Variants in BANK1 observed in about 807,000 individuals in gnomAD.
The protein encoded by BANK1 is B-cell scaffold protein with ankyrin repeats.
Under a neutral mutation model 94.5 loss-of-function variants are expected in BANK1, and 95 were observed. That is an observed-to-expected ratio of 1.00 (90% CI 0.85 to 1.19). BANK1 has a LOEUF of 1.19. BANK1 is among the 50% of genes most tolerant of loss of function. The probability of loss-of-function intolerance (pLI) is 0.00; values close to 1 mark genes in which losing one functional copy is unlikely to be tolerated. For missense variants in BANK1, 987 were observed against 932.2 expected (o/e 1.06, Z -0.77); for synonymous variants, 334 against 308.4 (o/e 1.08, Z -0.87).
intron 1 of BANK1, among the ~76,000 whole-genome samples, chr4:101,802,816 G>C (rs1469991819): frequency 6.6e-6 from 1 of 152,170 alleles, no homozygotes; most frequent in Non-Finnish European, 1.5e-5. Context: ...GGGTGAGTAG[G>C]TGAGTTACCA....
chr4:102,072,853 T>C (rs1411705953), intron 15 of BANK1, among the ~76,000 whole-genome samples: 2 of 152,132 alleles, frequency 1.3e-5, no homozygotes, highest in Non-Finnish European at 2.9e-5. Context: ...AACGAGAAGC[T>C]AATGATAACA....
At position 102,030,048 on chromosome 4, in the gene BANK1, A is replaced by G; in HGVS notation, c.1683A>G (p.Glu561=). ...AAACAGGAGATGAACCCAAAGGAGA[A>G]AAAGAGAAGAAAGAAGAGGAAAAAG... The part of the protein sequence containing the change: ...RQETGDEPKG[E]KEKKEEEKEQ... Residue 561 remains glutamate (E), a synonymous_variant, in exon 10 of 17, where the codon GAA becomes GAG. Transcript: ENST00000322953. The G allele has an allele frequency of 1.9e-6, 3 of 1,613,954 alleles. No individual in the cohort carries two copies. Among genetic ancestry groups the G allele is most frequent in the Non-Finnish European group, 2.5e-6 (3 of 1,179,876 alleles).
intron 10 of BANK1, among the ~76,000 whole-genome samples, chr4:102,038,866 A>G (rs1482205961): frequency 1.3e-5 from 2 of 152,184 alleles, no homozygotes; most frequent in Non-Finnish European, 2.9e-5. Context: ...GATGCTTTCA[A>G]TGATAACACT....
At chr4:101,890,800 T>G (rs757562397) in intron 5 of BANK1, among the ~76,000 whole-genome samples, 1 of 151,302 alleles carries the variant, frequency 6.6e-6, no homozygotes, top group Non-Finnish European at 1.5e-5. Flanking sequence ...GTATTTTAAA[T>G]GCACCTATTT....
At chr4:101,811,839 A>C (rs1421836296) in intron 1 of BANK1, among the ~76,000 whole-genome samples, 2 of 152,080 alleles carry the variant, frequency 1.3e-5, no homozygotes, top group Non-Finnish European at 2.9e-5. Context: ...GGTCTTAATG[A>C]GATATTAGAA....
intron 8 of BANK1, among the ~76,000 whole-genome samples, chr4:102,023,323 T>C (rs1235036952): frequency 6.6e-6 from 1 of 152,196 alleles, no homozygotes; most frequent in East Asian, 1.9e-4. Context: ...AATGGATTAA[T>C]GCACCAAGCT....
At chr4:101,991,094 A>G (rs1227927152) in intron 7 of BANK1, among the ~76,000 whole-genome samples, 3 of 152,212 alleles carry the variant, frequency 2.0e-5, no homozygotes, top group Non-Finnish European at 4.4e-5. Flanking sequence ...CGTTTTGTAT[A>G]TGAGAAAATG....
At chr4:102,012,831 A>G (rs771328549) in intron 7 of BANK1, among the ~76,000 whole-genome samples, 2 of 151,378 alleles carry the variant, frequency 1.3e-5, no homozygotes, top group Non-Finnish European at 3.0e-5. Context: ...TGGAAGAAAG[A>G]ACAAAAAAAA....
chr4:101,854,955 A>C, intron 2 of BANK1, 80 bp from the exon 3 acceptor site: 1 of 1,077,604 alleles, frequency 9.3e-7, no homozygotes, highest in Non-Finnish European at 1.3e-6. Flanking sequence ...TTGGTTGTTT[A>C]GCAATTAGTC....
At chr4:101,966,030 T>C (rs980515146) in intron 7 of BANK1, among the ~76,000 whole-genome samples, 2 of 152,118 alleles carry the variant, frequency 1.3e-5, no homozygotes, top group Non-Finnish European at 2.9e-5. Context: ...ATTTGTTTTA[T>C]CAGAAGCCTT....
chr4:101,949,800 C>T (rs1578415778), intron 7 of BANK1, among the ~76,000 whole-genome samples: 1 of 152,110 alleles, frequency 6.6e-6, no homozygotes, highest in Non-Finnish European at 1.5e-5. Flanking sequence ...CCTCTCATTA[C>T]ACAAGCACTC....
intron 10 of BANK1, among the ~76,000 whole-genome samples, chr4:102,040,950 T>C (rs1406024956): frequency 2.6e-5 from 4 of 152,094 alleles, no homozygotes; most frequent in Non-Finnish European, 5.9e-5. Context: ...GTGGTTGATA[T>C]GAAGAGAAAA....
chr4:101,843,135 A>G (rs376663683), intron 2 of BANK1, among the ~76,000 whole-genome samples: 2 of 152,152 alleles, frequency 1.3e-5, no homozygotes, highest in Non-Finnish European at 2.9e-5. Flanking sequence ...TAGGCTTTAC[A>G]TTTCAGAATT....
intron 7 of BANK1, among the ~76,000 whole-genome samples, chr4:102,012,939 C>T (rs764940454): frequency 1.3e-5 from 2 of 151,994 alleles, no homozygotes; most frequent in African/African-American, 2.4e-5. Context: ...TATTTAGTTT[C>T]TATGTAGTTT....
intron 1 of BANK1, among the ~76,000 whole-genome samples, chr4:101,812,719 G>A (rs554621679): frequency 6.6e-6 from 1 of 151,956 alleles, no homozygotes; most frequent in East Asian, 1.9e-4. Flanking sequence ...ATTATGCCTA[G>A]ATATTATTAT....
intron 7 of BANK1, among the ~76,000 whole-genome samples, chr4:101,973,274 A>G (rs1030656350): frequency 3.3e-5 from 5 of 151,854 alleles, no homozygotes; most frequent in Non-Finnish European, 5.9e-5. Flanking sequence ...ACATAATTAT[A>G]TATTATCTAT....
At chr4:102,039,240 G>A (rs552297179) in intron 10 of BANK1, among the ~76,000 whole-genome samples, 1 of 152,230 alleles carries the variant, frequency 6.6e-6, no homozygotes, top group South Asian at 2.1e-4. Flanking sequence ...GTAATGGCCT[G>A]TATTTGATAA....
chr4:102,002,863 C>T (rs1329754391), intron 7 of BANK1, among the ~76,000 whole-genome samples: 1 of 152,104 alleles, frequency 6.6e-6, no homozygotes, highest in East Asian at 1.9e-4. Flanking sequence ...CAACCTCTGC[C>T]TCCTAGGTTC....
At chr4:102,043,995 G>A in intron 11 of BANK1, 88 bp downstream of exon 11, 1 of 697,390 alleles carries the variant, frequency 1.4e-6, no homozygotes, top group Non-Finnish European at 2.5e-6. Flanking sequence ...TCCTAGGACA[G>A]AAGTATGTAA....
Sources: allele counts gnomAD v4.1 joint callset (sites outside exome capture counted in the v4.1 genomes callset), GRCh38; gene constraint gnomAD v4.1.1; transcripts MANE v1.5; gene names NCBI Gene and HGNC (gene_info 2026-07-23, HGNC 2026-07-21).